Variants in OXR1 observed in about 807,000 individuals in gnomAD.
The protein encoded by OXR1 is oxidation resistance protein 1.
OXR1 carries 41 observed loss-of-function variants against 104.6 expected under a neutral mutation model. The ratio of observed to expected loss-of-function variants is 0.39; its 90% CI spans 0.31 to 0.51. The LOEUF is 0.51. Ranked by LOEUF, OXR1 falls within the 20% of genes least tolerant of loss-of-function variation. The probability of loss-of-function intolerance (pLI) is 0.77; values close to 1 mark genes in which losing one functional copy is unlikely to be tolerated. For synonymous variants in OXR1, 348 were observed against 348.4 expected (o/e 1.00, Z 0.01); for missense variants, 955 against 1,031.9 (o/e 0.93, Z 1.02).
At chr8:106,487,180 C>T (rs536016155) in intron 2 of OXR1, among the ~76,000 whole-genome samples, 6 of 151,588 alleles carry the variant, frequency 4.0e-5, no homozygotes, top group Non-Finnish European at 5.9e-5. Context: ...TGTGCTACCA[C>T]GCCCAGCTAA....
chr8:106,451,256 T>G (rs1250534590), intron 2 of OXR1, among the ~76,000 whole-genome samples: 3 of 152,202 alleles, frequency 2.0e-5, no homozygotes. Flanking sequence ...GGACCACATC[T>G]GAGTGTGTTA....
At chr8:106,715,433 A>G (rs146269465) in intron 11 of OXR1, among the ~76,000 whole-genome samples, 2,366 of 148,068 alleles carry the variant, frequency 0.016, 30 homozygotes, top group Admixed American at 0.046. Flanking sequence ...TAATATATAT[A>G]TGTATCTTAT....
chr8:106,386,631 C>T (rs2130430342), intron 2 of OXR1, among the ~76,000 whole-genome samples: 1 of 152,252 alleles, frequency 6.6e-6, no homozygotes, highest in African/African-American at 2.4e-5. Flanking sequence ...TTCTCCTGCC[C>T]TCCTCCAACC....
chr8:106,306,166 A>G (rs1478153453), intron 1 of OXR1, among the ~76,000 whole-genome samples: 1 of 152,112 alleles, frequency 6.6e-6, no homozygotes, highest in African/African-American at 2.4e-5. Flanking sequence ...GGAACATCTA[A>G]GGAATAATTT....
intron 2 of OXR1, among the ~76,000 whole-genome samples, chr8:106,442,958 A>G (rs190231117): frequency 6.6e-6 from 1 of 151,568 alleles, no homozygotes; most frequent in African/African-American, 2.4e-5. Context: ...CTTTTGGATT[A>G]GTTTGCTTTT....
intron 2 of OXR1, among the ~76,000 whole-genome samples, chr8:106,477,545 G>C (rs532780948): frequency 6.6e-6 from 1 of 152,022 alleles, no homozygotes; most frequent in African/African-American, 2.4e-5. Context: ...TTTTATAATA[G>C]ATGGTGTATA....
chr8:106,355,640 G>A (rs1221403132), intron 1 of OXR1, among the ~76,000 whole-genome samples: 1 of 151,592 alleles, frequency 6.6e-6, no homozygotes, highest in Non-Finnish European at 1.5e-5. Flanking sequence ...TGCTATGAAT[G>A]GTCACTATAA....
At chr8:106,358,482 T>C (rs1210761645) in intron 1 of OXR1, among the ~76,000 whole-genome samples, 1 of 152,188 alleles carries the variant, frequency 6.6e-6, no homozygotes, top group Non-Finnish European at 1.5e-5. Context: ...CCCTATTTTA[T>C]TGAAATCATC....
intron 1 of OXR1, among the ~76,000 whole-genome samples, chr8:106,302,999 C>T (rs1305600493): frequency 2.6e-5 from 4 of 151,628 alleles, no homozygotes; most frequent in African/African-American, 9.7e-5. Flanking sequence ...GTGATCCATC[C>T]GCCTTGGCCT....
At chr8:106,673,979 A>G (rs527841435) in intron 3 of OXR1, among the ~76,000 whole-genome samples, 1 of 152,320 alleles carries the variant, frequency 6.6e-6, no homozygotes, top group South Asian at 2.1e-4. Context: ...CCTCTTGGAG[A>G]ACCTTTGCTA....
intron 1 of OXR1, among the ~76,000 whole-genome samples, chr8:106,270,899 C>G (rs970770910): frequency 6.6e-6 from 1 of 151,938 alleles, no homozygotes; most frequent in Admixed American, 6.5e-5. Context: ...ACAGTGGGCT[C>G]CGGAGGGGCG....
intron 3 of OXR1, among the ~76,000 whole-genome samples, chr8:106,624,797 T>C (rs1366660090): frequency 1.3e-5 from 2 of 152,174 alleles, no homozygotes; most frequent in Non-Finnish European, 2.9e-5. Flanking sequence ...TGTTTGTTTT[T>C]GGTTTTGTTT....
intron 11 of OXR1, among the ~76,000 whole-genome samples, chr8:106,723,187 C>G (rs1039803339): frequency 6.6e-6 from 1 of 151,992 alleles, no homozygotes; most frequent in Admixed American, 6.6e-5. Flanking sequence ...GAAATCCCAT[C>G]TCTATTAAAA....
intron 3 of OXR1, among the ~76,000 whole-genome samples, chr8:106,576,558 T>C (rs1817855654): frequency 6.6e-6 from 1 of 151,632 alleles, no homozygotes; most frequent in Non-Finnish European, 1.5e-5. Flanking sequence ...AAGATTTTTA[T>C]CCAAAGTAAA....
chr8:106,375,108 T>A (rs867137101), intron 2 of OXR1, among the ~76,000 whole-genome samples: 12 of 152,358 alleles, frequency 7.9e-5, no homozygotes, highest in African/African-American at 2.4e-4. Flanking sequence ...CCTGAGGTTT[T>A]TATAGTATCA....
At chr8:106,534,562 A>G (rs1221531429) in intron 3 of OXR1, among the ~76,000 whole-genome samples, 1 of 152,266 alleles carries the variant, frequency 6.6e-6, no homozygotes, top group Non-Finnish European at 1.5e-5. Flanking sequence ...AGTGTAGTGT[A>G]GAGCAGTGAA....
chr8:106,658,201 T>C, intron 3 of OXR1: 2 of 1,236,122 alleles, frequency 1.6e-6, no homozygotes, highest in South Asian at 4.1e-5. Flanking sequence ...CCCACCTTTC[T>C]TTCGCCTCCC....
intron 3 of OXR1, among the ~76,000 whole-genome samples, chr8:106,615,431 C>CA (rs1289895066): frequency 1.2e-3 from 172 of 138,896 alleles, no homozygotes; most frequent in East Asian, 6.5e-3. Flanking sequence ...GACTCCGTCT[C>CA]AAAAAAAAAA....
chr8:106,649,605 A>G (rs1407222362), intron 3 of OXR1, among the ~76,000 whole-genome samples: 1 of 151,950 alleles, frequency 6.6e-6, no homozygotes, highest in East Asian at 1.9e-4. Context: ...ACTTAAGACA[A>G]GATAATAACA....
Sources: gnomAD v4.1 joint callset for allele counts (sites outside exome capture counted in the v4.1 genomes callset) on GRCh38, gnomAD v4.1.1 for gene constraint, MANE v1.5 for transcripts, NCBI Gene and HGNC (gene_info 2026-07-23, HGNC 2026-07-21) for gene names.